PPP4R1: variants seen among roughly 807,000 people sequenced by gnomAD.
PPP4R1 encodes the protein serine/threonine-protein phosphatase 4 regulatory subunit 1.
Under a neutral mutation model 111.2 loss-of-function variants are expected in PPP4R1, and 42 were observed. That is an observed-to-expected ratio of 0.38 (90% CI 0.29 to 0.49). The LOEUF (loss-of-function observed/expected upper bound fraction) is 0.49. Among genes scored for constraint, PPP4R1 ranks in the 20% least tolerant of loss-of-function variants. PPP4R1 has a pLI of 0.97. For synonymous variants in PPP4R1, 409 were observed against 405.5 expected (o/e 1.01, Z -0.10); for missense variants, 1,012 against 1,161.6 (o/e 0.87, Z 1.87).
chr18:9,553,382 A>G lies in PPP4R1; in HGVS notation c.2231T>C (p.Leu744Pro), dbSNP rs1262201936. The change falls in exon 16 of 20, where the codon CTT (leucine) becomes CCT (proline). Residue 744 changes from leucine to proline, a missense_variant. Physicochemically the swap from Leu to Pro is moderately conservative, Grantham distance 98 (BLOSUM62 -3). Transcript: ENST00000400556. ...ATTATCTGTCACCAAAAACTCCTGA[A>G]GTTGATAAAGATATTCTCTTCTTTT... ...IDKRREYLYQLQEFLVTDNSR... is the reference protein window; with the variant it reads ...IDKRREYLYQPQEFLVTDNSR... 3 of 1,600,296 alleles carry G rather than the reference A, an allele frequency of 1.9e-6. No individual in the cohort carries two copies. Among genetic ancestry groups the G allele is most frequent in the South Asian group, 1.1e-5 (1 of 90,786 alleles).
chr18:9,588,025 AC>A, intron 6 of PPP4R1, 63 bp downstream of exon 6: 1 of 1,591,588 alleles, frequency 6.3e-7, no homozygotes, highest in South Asian at 1.1e-5. Flanking sequence ...CCCCGGCCTG[AC>A]TTTTAATAAG....
chr18:9,615,315 C>G (rs2067675939), upstream of PPP4R1: 1 of 152,220 alleles, frequency 6.6e-6, no homozygotes, highest in African/African-American at 2.4e-5. Context: ...GGGGTCAGAT[C>G]CTGATTCAGC....
rs1259416577 is a variant in PPP4R1, at chr18:9,562,072, T to C, written c.1750A>G (p.Met584Val). The stretch of plus-strand genomic sequence containing the variant: ...TGAATATAGTGAAGAGTGGAGTCCA[T>C]ATTCTGTTAGGAAAAAATAACTACT... ...VPLISDAVEN[M>V]DSTLHYIHSD... The change falls in exon 13 of 20, where the codon ATG becomes GTG. Residue 584 changes from methionine (M) to valine (V), a missense_variant. Coordinates refer to ENST00000400556, the MANE Select transcript of PPP4R1 (RefSeq NM_001042388.3). The C allele has an allele frequency of 1.2e-6, 2 of 1,607,484 alleles. No homozygotes were observed.
chr18:9,614,255 T>C lies in PPP4R1; in HGVS notation c.23A>G (p.Gln8Arg), dbSNP rs1486050144. MADLSLL[Q>R]EDLQEDADGF... ...GTCTGCGTCCTCCTGCAGGTCCTCCTGAAGCAGCGAGAGGTCTGCGCCGAG... is the reference window on the plus strand; with the variant it reads ...GTCTGCGTCCTCCTGCAGGTCCTCCCGAAGCAGCGAGAGGTCTGCGCCGAG... The change falls in exon 2 of 20, where the codon CAG becomes CGG. Residue 8 changes from glutamine to arginine, a missense_variant. Physicochemically the swap from Gln to Arg is conservative, Grantham distance 43 (BLOSUM62 1). Transcript: ENST00000400556. The surrounding 1 kb of genome is among the most constrained non-coding windows in gnomAD (Gnocchi z 4.1). 1 of 1,344,260 alleles carries C rather than the reference T, an allele frequency of 7.4e-7. No individual in the cohort carries two copies. The allele number at this position is 1,344,260 out of a possible 1,614,324, so 83.3% of individuals were successfully genotyped here. A position where few individuals can be genotyped will look rare whatever the true frequency, so the allele number is the denominator to read the frequency against.
At chr18:9,600,196 C>A (rs2067357047) in intron 2 of PPP4R1, among the ~76,000 whole-genome samples, 1 of 109,286 alleles carries the variant, frequency 9.2e-6, no homozygotes, top group Non-Finnish European at 1.9e-5. Context: ...TTCTATTTCC[C>A]AAAAAAAAAA....
At position 9,614,335 on chromosome 18, in the gene PPP4R1, C is replaced by T. The variant is rs532576735; in HGVS notation, c.8-65G>A. 1.0e-5 allele frequency: 11 copies of T among 1,098,568 alleles called. No homozygotes were observed. The South Asian group carries it at 4.6e-4, about 46-fold the overall frequency. The allele number at this position is 1,098,568 out of a possible 1,614,324, so 68.1% of individuals were successfully genotyped here. ...CGGGGCCCGGCGCGACGCCCCCCCC[C>T]CGCCCGCCTCCCCCCCGCCCCGGGG... is the stretch of plus-strand genomic sequence containing the variant. On this transcript the variant is annotated intron_variant, in intron 1 of 19. Transcript: ENST00000400556. This position sits in a 1 kb window ranked among gnomAD's most constrained non-coding sequence, Gnocchi z 4.1.
intron 3 of PPP4R1, 168 bp downstream of exon 3, chr18:9,594,850 G>A: frequency 1.4e-6 from 1 of 712,164 alleles, no homozygotes; most frequent in Non-Finnish European, 2.1e-6. Context: ...TAGGATCAAA[G>A]AATAAACAAG....
Position 9,549,177 on chromosome 18 carries a change from C to G in PPP4R1, c.2689+20G>C. 1 of 1,605,652 alleles carries G rather than the reference C, an allele frequency of 6.2e-7. No homozygotes were observed. The highest frequency in any genetic ancestry group is 1.1e-5 in the South Asian group (1 of 90,950). On this transcript the variant is annotated intron_variant, in intron 19 of 19. Transcript: ENST00000400556. ...CTCCTTCTCTACTCACACGCTTCTT[C>G]TAGTGGAGTCACTACCTACCTTTTT... is the stretch of plus-strand genomic sequence containing the variant.
At chr18:9,583,320 G>C (rs780394446) in intron 8 of PPP4R1, 45 bp from the exon 9 acceptor site, 1 of 1,410,760 alleles carries the variant, frequency 7.1e-7, no homozygotes, top group Non-Finnish European at 9.6e-7. Flanking sequence ...AAAGATAGCA[G>C]ATTTCATCAG....
At chr18:9,605,950 T>C (rs1246541943) in intron 2 of PPP4R1, among the ~76,000 whole-genome samples, 1 of 152,184 alleles carries the variant, frequency 6.6e-6, no homozygotes, top group Non-Finnish European at 1.5e-5. Flanking sequence ...TACATAACTG[T>C]ATAGAGAAGT....
At chr18:9,581,542 A>G (rs2067029820) in intron 9 of PPP4R1, among the ~76,000 whole-genome samples, 1 of 98,416 alleles carries the variant, frequency 1.0e-5, no homozygotes, top group East Asian at 7.3e-4. Context: ...GAGAGGGGGA[A>G]AAAATTGAGG....
At chr18:9,552,536 C>CA (rs1210611291) in intron 16 of PPP4R1, among the ~76,000 whole-genome samples, 1 of 152,092 alleles carries the variant, frequency 6.6e-6, no homozygotes, top group Admixed American at 6.5e-5. Flanking sequence ...AGTGAGGAGA[C>CA]AGAGAAACTG....
intron 14 of PPP4R1, among the ~76,000 whole-genome samples, chr18:9,557,832 T>TG (rs1480726451): frequency 1.3e-5 from 2 of 152,306 alleles, no homozygotes; most frequent in East Asian, 3.9e-4. Flanking sequence ...ACTAAGCACA[T>TG]GCTAGAACAT....
At chr18:9,611,762 A>C (rs2067583157) in intron 2 of PPP4R1, among the ~76,000 whole-genome samples, 1 of 152,080 alleles carries the variant, frequency 6.6e-6, no homozygotes, top group African/African-American at 2.4e-5. Flanking sequence ...CTGTAATCCC[A>C]GCACTTTGGG....
In PPP4R1 at chr18:9,547,681, G is replaced by C. The variant is rs2066420911; in HGVS notation, c.*108C>G. 1.5e-6 allele frequency: 2 copies of C among 1,374,542 alleles called. No individual in the cohort carries two copies. Among genetic ancestry groups the C allele is most frequent in the South Asian group, 2.6e-5 (2 of 77,220 alleles). The allele number at this position is 1,374,542 out of a possible 1,614,324, so 85.1% of individuals were successfully genotyped here. A position where few individuals can be genotyped will look rare whatever the true frequency, so the allele number is the denominator to read the frequency against. Reference sequence around the variant, plus strand: ...TGCACCTGCAATGAAGTCCGCAGGAGAGGAAGGTCTCTCCTCCCCCGAAAG... The same window carrying C: ...TGCACCTGCAATGAAGTCCGCAGGACAGGAAGGTCTCTCCTCCCCCGAAAG... On this transcript the variant is annotated 3_prime_UTR_variant, in exon 20 of 20. Coordinates refer to ENST00000400556, the MANE Select transcript of PPP4R1 (RefSeq NM_001042388.3).
chr18:9,614,632 G>T, upstream of PPP4R1: 1 of 260,172 alleles, frequency 3.8e-6, no homozygotes, highest in Non-Finnish European at 5.8e-6. The surrounding 1 kb of genome is among the most constrained non-coding windows in gnomAD (Gnocchi z 4.1). Context: ...GGCGGGCCGA[G>T]GGCCCGGGCC....
Position 9,584,815 on chromosome 18 carries a change from A to G in PPP4R1, c.599T>C (p.Met200Thr). 1 of 1,610,870 alleles carries G rather than the reference A, an allele frequency of 6.2e-7. No individual in the cohort carries two copies. The highest frequency in any genetic ancestry group is 8.5e-7 in the Non-Finnish European group (1 of 1,177,876). Residue 200 changes from methionine (M) to threonine (T), a missense_variant, in exon 7 of 20, where the codon ATG becomes ACG. Met to Thr is a moderately conservative substitution (Grantham distance 81, BLOSUM62 -1). Coordinates refer to ENST00000400556, the MANE Select transcript of PPP4R1 (RefSeq NM_001042388.3). ...AATATCCTTCCCAACCATGGGAGCC[A>G]TTTTGCACATTATCTAAAATAAGTA... is the stretch of plus-strand genomic sequence containing the variant. ...KTEAVAIMCK[M>T]APMVGKDITE... is the part of the protein sequence containing the mutation.
rs141240329 is a variant in PPP4R1, at chr18:9,575,692, C to T, written c.1046+1372G>A. On this transcript the variant is annotated intron_variant, in intron 10 of 19. Transcript: ENST00000400556. ...GGCAAACATGGCCTTGATAGGCACA[C>T]TGTTGAGGTCAGTGAAGTTTTACTG... 1.3e-4 allele frequency among the ~76,000 whole-genome samples: 20 copies of T among 152,286 alleles called. No individual in the cohort carries two copies. The East Asian group carries it at 3.7e-3, about 28-fold the overall frequency.
chr18:9,550,027 C>A, intron 18 of PPP4R1, 25 bp downstream of exon 18: 1 of 1,613,602 alleles, frequency 6.2e-7, no homozygotes. Context: ...AACTCACAAA[C>A]AGGTAAGCCC....
Sources: allele counts gnomAD v4.1 joint callset (sites outside exome capture counted in the v4.1 genomes callset), GRCh38; gene constraint gnomAD v4.1.1; non-coding constraint Gnocchi (gnomAD v3.1); transcripts MANE v1.5; gene names NCBI Gene and HGNC (gene_info 2026-07-23, HGNC 2026-07-21).